Variants in HTR2C observed in about 807,000 individuals in gnomAD.
HTR2C encodes the protein 5-hydroxytryptamine receptor 2C.
HTR2C carries 5 observed loss-of-function variants against 21.0 expected under a neutral mutation model. The ratio of observed to expected loss-of-function variants is 0.24; its 90% CI spans 0.12 to 0.50. The LOEUF (loss-of-function observed/expected upper bound fraction) is 0.50. HTR2C is among the 20% of genes least tolerant of loss of function. The probability of loss-of-function intolerance (pLI) is 0.98; values close to 1 mark genes in which losing one functional copy is unlikely to be tolerated. For missense variants in HTR2C, 271 were observed against 371.2 expected, an observed-to-expected ratio of 0.73 and a Z score of 2.22; for synonymous variants, 150 against 145.3, an observed-to-expected ratio of 1.03 and a Z score of -0.23.
chrX:114,869,035 C>T (rs1333809993), intron 5 of HTR2C, among the ~76,000 whole-genome samples: 1 of 109,498 alleles, frequency 9.1e-6, no homozygotes, highest in Non-Finnish European at 1.9e-5. Context: ...TGTTCCCCGC[C>T]CTCTGTCCAA....
At chrX:114,710,751 G>T (rs782022708) in intron 2 of HTR2C, among the ~76,000 whole-genome samples, 16 of 111,374 alleles carry the variant, frequency 1.4e-4, no homozygotes, top group Non-Finnish European at 7.5e-5. Context: ...GGCAACAGAT[G>T]GTGGCTTAGA....
intron 5 of HTR2C, among the ~76,000 whole-genome samples, chrX:114,856,051 A>T (rs1219130891): frequency 5.7e-5 from 2 of 35,255 alleles, no homozygotes; most frequent in Non-Finnish European, 7.6e-5. Flanking sequence ...TGCAGACGAC[A>T]TGATTGTATA....
At chrX:114,638,794 T>A (rs62593089) in intron 2 of HTR2C, among the ~76,000 whole-genome samples, 1 of 97,343 alleles carries the variant, frequency 1.0e-5, no homozygotes, top group South Asian at 5.3e-4. Context: ...TTTGTTCTTG[T>A]GATAGTTTAC....
At chrX:114,837,569 C>A (rs1403937023) in intron 4 of HTR2C, among the ~76,000 whole-genome samples, 3 of 110,814 alleles carry the variant, frequency 2.7e-5, no homozygotes, top group Admixed American at 9.6e-5. Flanking sequence ...CTATCTCTGG[C>A]ACTTGTTCTT....
chrX:114,715,604 G>A (rs782137633), intron 2 of HTR2C, among the ~76,000 whole-genome samples: 6 of 111,794 alleles, frequency 5.4e-5, no homozygotes, highest in Non-Finnish European at 1.1e-4. Context: ...GACACTTGTC[G>A]TGTACTTAAC....
intron 4 of HTR2C, among the ~76,000 whole-genome samples, chrX:114,839,875 C>A (rs1339826778): frequency 9.0e-6 from 1 of 110,539 alleles, no homozygotes; most frequent in Non-Finnish European, 1.9e-5. Context: ...ACATTTAAAC[C>A]GTGCTTGCCT....
intron 2 of HTR2C, among the ~76,000 whole-genome samples, chrX:114,720,029 T>A (rs1433837101): frequency 8.9e-6 from 1 of 111,955 alleles, no homozygotes; most frequent in Non-Finnish European, 1.9e-5. Context: ...AGGAAAAAGT[T>A]TGATACTTAT....
At chrX:114,690,407 T>C (rs1353065757) in intron 2 of HTR2C, among the ~76,000 whole-genome samples, 1 of 111,989 alleles carries the variant, frequency 8.9e-6, no homozygotes, top group Non-Finnish European at 1.9e-5. Context: ...AAACTAAAAC[T>C]AACACTACAT....
chrX:114,651,810 C>T (rs1930587843), intron 2 of HTR2C, among the ~76,000 whole-genome samples: 1 of 111,575 alleles, frequency 9.0e-6, no homozygotes, highest in African/African-American at 3.2e-5. Flanking sequence ...TTTTATTCCT[C>T]TTTTATTTAC....
chrX:114,624,020 T>C (rs1556402362), intron 2 of HTR2C, among the ~76,000 whole-genome samples: 1 of 105,110 alleles, frequency 9.5e-6, no homozygotes, highest in East Asian at 3.1e-4. Flanking sequence ...GCGATTCTCG[T>C]GCCTCAGCCT....
chrX:114,848,749 G>C (rs2070892712), intron 5 of HTR2C, among the ~76,000 whole-genome samples: 1 of 110,097 alleles, frequency 9.1e-6, no homozygotes, highest in Admixed American at 9.8e-5. Flanking sequence ...TTGTCTTCTT[G>C]AATTCTGGGT....
intron 4 of HTR2C, among the ~76,000 whole-genome samples, chrX:114,796,537 A>T (rs1343179883): frequency 9.0e-6 from 1 of 111,446 alleles, no homozygotes; most frequent in Non-Finnish European, 1.9e-5. Flanking sequence ...CAGTTCTTAA[A>T]CTTATCTGAA....
intron 2 of HTR2C, among the ~76,000 whole-genome samples, chrX:114,625,627 C>A (rs782813698): frequency 3.5e-3 from 389 of 112,084 alleles, no homozygotes; most frequent in African/African-American, 0.012. Flanking sequence ...GCCAAATGAA[C>A]CCCTTTTTAA....
At chrX:114,886,195 G>T (rs782503843) in intron 5 of HTR2C, among the ~76,000 whole-genome samples, 14 of 110,895 alleles carry the variant, frequency 1.3e-4, no homozygotes, top group Non-Finnish European at 1.9e-4. Context: ...CTCTTTGCAT[G>T]ATTCATTTTC....
rs781816949 is a variant in HTR2C, at chrX:114,735,844, G to T, written c.349+4237G>T. 8.1e-5 allele frequency among the ~76,000 whole-genome samples: 9 copies of T among 111,781 alleles called. No individual in the cohort carries two copies. The East Asian group carries it at 2.5e-3, about 32-fold the overall frequency. On this transcript the variant is annotated intron_variant, in intron 4 of 5. Coordinates refer to ENST00000276198, the MANE Select transcript of HTR2C (RefSeq NM_000868.4). Reference sequence around the variant, plus strand: ...ATAGAAGAAAATAAGGCTGGGCGTGGTGGCTCACGCCTGTAATCAGCACTT... The same window carrying T: ...ATAGAAGAAAATAAGGCTGGGCGTGTTGGCTCACGCCTGTAATCAGCACTT...
At chrX:114,692,006 A>G (rs1556415174) in intron 2 of HTR2C, among the ~76,000 whole-genome samples, 2 of 111,369 alleles carry the variant, frequency 1.8e-5, no homozygotes, top group African/African-American at 6.5e-5. Context: ...TTTTATCTTC[A>G]TTTTCATAGA....
intron 2 of HTR2C, among the ~76,000 whole-genome samples, chrX:114,722,168 T>C (rs1933245406): frequency 9.0e-6 from 1 of 110,594 alleles, no homozygotes; most frequent in South Asian, 3.9e-4. Context: ...TGTTCTTCCA[T>C]TTGTTTGTAT....
At chrX:114,639,925 G>T (rs1220254416) in intron 2 of HTR2C, among the ~76,000 whole-genome samples, 1 of 111,436 alleles carries the variant, frequency 9.0e-6, no homozygotes. Context: ...CCTTGAGTTT[G>T]AAGTATATTA....
rs782472121 is a variant in HTR2C at position 114,726,152 on chromosome X, C to T, written c.-79-706C>T. ...TGCAGTTTGATCTCAGACTGCTGTGCTAGCAATCAGTGAGACTCCGTGGGC... is the reference window on the plus strand; with the variant it reads ...TGCAGTTTGATCTCAGACTGCTGTGTTAGCAATCAGTGAGACTCCGTGGGC... On this transcript the variant is annotated intron_variant, in intron 2 of 5. Transcript: ENST00000276198. 4.4e-5 allele frequency among the ~76,000 whole-genome samples: 5 copies of T among 112,398 alleles called. No homozygotes were observed. The South Asian group carries it at 1.8e-3, about 41-fold the overall frequency.
Sources: allele counts gnomAD v4.1 joint callset (sites outside exome capture counted in the v4.1 genomes callset), GRCh38; gene constraint gnomAD v4.1.1; transcripts MANE v1.5; gene names NCBI Gene and HGNC (gene_info 2026-07-23, HGNC 2026-07-21).